Variants in ZNF536 observed in about 807,000 individuals in gnomAD.
ZNF536 encodes the protein zinc finger protein 536.
ZNF536 carries 13 observed loss-of-function variants against 84.5 expected under a neutral mutation model. The observed-to-expected ratio is 0.15, with a 90% CI of 0.10 to 0.24. The LOEUF is 0.24. Ranked by LOEUF, ZNF536 falls within the 10% of genes least tolerant of loss-of-function variation. ZNF536 has a pLI of 1.00. For missense variants in ZNF536, 1,536 were observed against 1,747.5 expected (o/e 0.88, Z 2.16); for synonymous variants, 811 against 742.5 (o/e 1.09, Z -1.50).
chr19:30,387,178 C>T (rs1361978609), intron 1 of ZNF536, among the ~76,000 whole-genome samples: 2 of 152,174 alleles, frequency 1.3e-5, no homozygotes, highest in Non-Finnish European at 2.9e-5. Flanking sequence ...TTGGCTAGAA[C>T]CTGTCCAGGC....
At chr19:30,500,444 C>T (rs111700332) in intron 2 of ZNF536, among the ~76,000 whole-genome samples, 4,849 of 151,676 alleles carry the variant, frequency 0.032, 107 homozygotes, top group South Asian at 0.1. Flanking sequence ...CTCACAACCC[C>T]GGGCTCATTC....
At chr19:30,684,945 C>T (rs796183999) in intron 1 of ZNF536, among the ~76,000 whole-genome samples, 2 of 152,246 alleles carry the variant, frequency 1.3e-5, no homozygotes, top group African/African-American at 4.8e-5. Context: ...GTTTTCAGTG[C>T]GTCTTCCAGG....
chr19:30,264,966 TGAGAGA>T (rs142750589), intron 1 of ZNF536, among the ~76,000 whole-genome samples: 10 of 133,776 alleles, frequency 7.5e-5, no homozygotes. Flanking sequence ...TGTGTGTGTG[TGAGAGA>T]GAGAGAGAGA....
chr19:30,704,212 C>A (rs2052121238), intron 1 of ZNF536, among the ~76,000 whole-genome samples: 1 of 152,304 alleles, frequency 6.6e-6, no homozygotes, highest in South Asian at 2.1e-4. Flanking sequence ...CCTGCTTGAC[C>A]CAAGTCTGTC....
At position 30,436,480 on chromosome 19, in the gene ZNF536, A is replaced by G. The variant is rs899315972; in HGVS notation, c.-2-7081A>G. 4 of 985,306 alleles carry G rather than the reference A, an allele frequency of 4.1e-6. No individual in the cohort carries two copies. In the East Asian group the frequency reaches 4.5e-4, roughly 112 times the overall value. The allele number at this position is 985,306 out of a possible 1,614,324, so 61.0% of individuals were successfully genotyped here. A position where few individuals can be genotyped will look rare whatever the true frequency, so the allele number is the denominator to read the frequency against. ...TGTTGATTGTAAGAGATCAAAAAAAAAAAATGCACTTGCTCAGCATAGCAA... is the reference window on the plus strand; with the variant it reads ...TGTTGATTGTAAGAGATCAAAAAAAGAAAATGCACTTGCTCAGCATAGCAA... On this transcript the variant is annotated intron_variant, in intron 1 of 4. Transcript: ENST00000355537.
At chr19:30,399,398 G>T (rs2049954727) in intron 1 of ZNF536, among the ~76,000 whole-genome samples, 1 of 151,980 alleles carries the variant, frequency 6.6e-6, no homozygotes, top group Non-Finnish European at 1.5e-5. Flanking sequence ...TTCTTTTGCT[G>T]TGCAGAAGCT....
intron 4 of ZNF536, among the ~76,000 whole-genome samples, chr19:30,552,763 C>G (rs577440006): frequency 8.1e-4 from 124 of 152,292 alleles, no homozygotes; most frequent in Non-Finnish European, 1.7e-3. Flanking sequence ...GGGGAGAAGC[C>G]GACCCAGCCA....
chr19:30,402,796 AATATATAT>A (rs869301101), intron 1 of ZNF536, among the ~76,000 whole-genome samples: 2 of 85,598 alleles, frequency 2.3e-5, no homozygotes, highest in East Asian at 8.7e-4. Context: ...AAAATTAAAA[AATATATAT>A]ATATATATAT....
chr19:30,577,607 A>G (rs971515768), intron 1 of ZNF536, among the ~76,000 whole-genome samples: 2 of 152,078 alleles, frequency 1.3e-5, no homozygotes. Flanking sequence ...CTGTAGTTTT[A>G]TTCGTGGTAT....
chr19:30,562,753 T>C (rs1301208468), downstream of ZNF536, among the ~76,000 whole-genome samples: 1 of 151,660 alleles, frequency 6.6e-6, no homozygotes, highest in Non-Finnish European at 1.5e-5. Flanking sequence ...AGATACGGGC[T>C]CAGGCTCTCA....
chr19:30,445,330 A>C lies in ZNF536; in HGVS notation c.1768A>C (p.Ser590Arg). Residue 590 changes from serine (S) to arginine (R), a missense_variant, in exon 2 of 5, where the codon AGC becomes CGC. Ser to Arg is a moderately radical substitution (Grantham distance 110, BLOSUM62 -1). Coordinates refer to ENST00000355537, the MANE Select transcript of ZNF536 (RefSeq NM_014717.3). This position sits in a 1 kb window ranked among gnomAD's most constrained non-coding sequence, Gnocchi z 4.5. ...TTTGGTTCACAGCACTAAAGTGGGC[A>C]GCCAGAGAGACCTGCCAAGTAAGCT... ...ADLVHSTKVGSQRDLPSKLDP... is the reference protein window; with the variant it reads ...ADLVHSTKVGRQRDLPSKLDP... The C allele has an allele frequency of 1.2e-6, 2 of 1,614,230 alleles. No homozygotes were observed. The highest frequency in any genetic ancestry group is 1.7e-6 in the Non-Finnish European group (2 of 1,180,050).
chr19:30,498,097 CA>C (rs1190930052), intron 2 of ZNF536, among the ~76,000 whole-genome samples: 1 of 152,010 alleles, frequency 6.6e-6, no homozygotes, highest in African/African-American at 2.4e-5. Context: ...GGTATATACC[CA>C]AAGGAATATA....
intron 2 of ZNF536, among the ~76,000 whole-genome samples, chr19:30,458,192 G>A (rs774164849): frequency 1.3e-5 from 2 of 152,168 alleles, no homozygotes; most frequent in African/African-American, 2.4e-5. Context: ...GACTATTTGG[G>A]CAGCTCGCTT....
chr19:30,657,874 G>T (rs1243612167), intron 1 of ZNF536, among the ~76,000 whole-genome samples: 1 of 152,070 alleles, frequency 6.6e-6, no homozygotes, highest in Non-Finnish European at 1.5e-5. Context: ...CTGAGGAATG[G>T]GTGTCATCTC....
intron 1 of ZNF536, among the ~76,000 whole-genome samples, chr19:30,415,260 T>TCTCCTCCTCCTG (rs2050673043): frequency 1.3e-5 from 1 of 77,694 alleles, no homozygotes; most frequent in Non-Finnish European, 2.6e-5. Context: ...CCCTCCCCCT[T>TCTCCTCCTCCTG]CTCCTCCTCC....
chr19:30,570,496 A>G (rs1055198373), intron 1 of ZNF536, among the ~76,000 whole-genome samples: 5 of 152,176 alleles, frequency 3.3e-5, no homozygotes, highest in African/African-American at 1.2e-4. Context: ...TTTAACTTTT[A>G]CGGAGGTAAA....
intron 1 of ZNF536, among the ~76,000 whole-genome samples, chr19:30,620,084 A>T (rs1357592647): frequency 1.3e-5 from 2 of 150,352 alleles, no homozygotes; most frequent in Non-Finnish European, 2.9e-5. Context: ...CCTTTACCAT[A>T]ATAACAAGAA....
At position 30,386,413 on chromosome 19, in the gene ZNF536, G is replaced by C. The variant is rs112964027; in HGVS notation, c.-3+13857G>C. On this transcript the variant is annotated intron_variant, in intron 1 of 4. Transcript: ENST00000355537. Reference sequence around the variant, plus strand: ...CTTTTTTGAGATAGGGTCTCACTCTGTCACCCAGGCTGGAGTGCAGTGGAG... The same window carrying C: ...CTTTTTTGAGATAGGGTCTCACTCTCTCACCCAGGCTGGAGTGCAGTGGAG... 4.2e-3 allele frequency among the ~76,000 whole-genome samples: 638 copies of C among 152,262 alleles called. 5 individuals are homozygous for C. The highest frequency in any genetic ancestry group is 0.015 in the African/African-American group (609 of 41,542).
chr19:30,649,815 A>G (rs949616230), intron 1 of ZNF536, among the ~76,000 whole-genome samples: 1 of 152,096 alleles, frequency 6.6e-6, no homozygotes, highest in East Asian at 1.9e-4. Context: ...CCAATTACAC[A>G]TATTTGATTT....
Sources: gnomAD v4.1 joint callset for allele counts (sites outside exome capture counted in the v4.1 genomes callset) on GRCh38, gnomAD v4.1.1 for gene constraint, Gnocchi (gnomAD v3.1) non-coding constraint, MANE v1.5 for transcripts, NCBI Gene and HGNC (gene_info 2026-07-23, HGNC 2026-07-21) for gene names.